CTNS: variants seen among roughly 807,000 people sequenced by gnomAD.
CTNS encodes the protein cystinosin.
Under a neutral mutation model 43.7 loss-of-function variants are expected in CTNS, and 27 were observed. The ratio of observed to expected loss-of-function variants is 0.62; its 90% CI spans 0.46 to 0.85. CTNS has a LOEUF of 0.85. Among genes scored for constraint, CTNS ranks in the 40% least tolerant of loss-of-function variants. The pLI, the probability that CTNS is intolerant of heterozygous loss-of-function variation, is 0.00. For missense variants in CTNS, 457 were observed against 475.4 expected, an observed-to-expected ratio of 0.96 and a Z score of 0.36; for synonymous variants, 187 against 190.6, an observed-to-expected ratio of 0.98 and a Z score of 0.16.
intron 4 of CTNS, among the ~76,000 whole-genome samples, chr17:3,647,795 C>A (rs1445716741): frequency 6.6e-6 from 1 of 152,184 alleles, no homozygotes; most frequent in African/African-American, 2.4e-5. Flanking sequence ...TGGGAAGAGT[C>A]CTGTGTGACC....
intron 5 of CTNS, among the ~76,000 whole-genome samples, chr17:3,653,876 C>CG (rs1555562513): frequency 0.063 from 2,161 of 34,154 alleles, 28 homozygotes; most frequent in Non-Finnish European, 0.33. Context: ...AACTCCATCT[C>CG]GGGGGAAAAA....
intron 5 of CTNS, among the ~76,000 whole-genome samples, chr17:3,651,905 C>G (rs192487026): frequency 1.4e-5 from 2 of 143,800 alleles, no homozygotes; most frequent in Non-Finnish European, 3.0e-5. Context: ...ACCCGGGAGG[C>G]AGAGGTGGCA....
chr17:3,645,623 G>T (rs917195520), intron 3 of CTNS, among the ~76,000 whole-genome samples: 3 of 152,076 alleles, frequency 2.0e-5, no homozygotes, highest in Non-Finnish European at 4.4e-5. Flanking sequence ...GCTTTGGAAG[G>T]CCAAGGCAGG....
intron 5 of CTNS, 105 bp downstream of exon 5, chr17:3,649,036 C>A: frequency 1.1e-6 from 1 of 934,146 alleles, no homozygotes; most frequent in Non-Finnish European, 1.7e-6. Flanking sequence ...CCTGTTCCAT[C>A]AACCTAGAAA....
chr17:3,654,804 G>A lies in CTNS; in HGVS notation c.226-194G>A, dbSNP rs116061320. On this transcript the variant is annotated intron_variant, in intron 5 of 11. Coordinates refer to ENST00000046640, the MANE Select transcript of CTNS (RefSeq NM_004937.3). The stretch of plus-strand genomic sequence containing the variant: ...GAGCTCAGGAGTTCGAGACCAGCCT[G>A]GGCAGCATGGCGAACAGGAGGTTCA... Among the ~76,000 whole-genome samples, 988 of 152,276 alleles carry A rather than the reference G, an allele frequency of 6.5e-3. 6 individuals carry two copies. The highest frequency in any genetic ancestry group is 0.023 in the African/African-American group (935 of 41,554).
intron 3 of CTNS, among the ~76,000 whole-genome samples, chr17:3,646,781 C>T (rs572109978): frequency 2.8e-4 from 11 of 39,082 alleles, no homozygotes; most frequent in African/African-American, 3.5e-4. Flanking sequence ...CTGCTTCTTC[C>T]CTCATCTGGG....
chr17:3,660,130 A>C, intron 11 of CTNS, 106 bp from the exon 12 acceptor site: 1 of 1,537,862 alleles, frequency 6.5e-7, no homozygotes, highest in Non-Finnish European at 9.0e-7. Flanking sequence ...TCGTAGCTGG[A>C]GGCTTTGTGG....
intron 5 of CTNS, chr17:3,650,472 ACT>A (rs1049913755): frequency 1.1e-6 from 1 of 923,252 alleles, no homozygotes; most frequent in African/African-American, 1.7e-5. Context: ...TTGGAGCAAG[ACT>A]CTGTCTCTAA....
Position 3,655,247 on chromosome 17 carries a change from G to C in CTNS, c.356G>C (p.Arg119Pro). The change falls in exon 7 of 12, where the codon CGC becomes CCC. Residue 119 changes from arginine to proline, a missense_variant. By Grantham distance (103) the Arg-to-Pro change is moderately radical. Transcript: ENST00000046640. ...TGPRIRFLVIRSSAISIINQV... is the reference protein window; with the variant it reads ...TGPRIRFLVIPSSAISIINQV... The stretch of plus-strand genomic sequence containing the variant: ...CCGAGGATACGCTTTCTTGTGATCC[G>C]CAGCAGCGCCATTAGCATCATAAAC... 6.2e-7 allele frequency: 1 copy of C among 1,614,166 alleles called. No homozygotes were observed. The highest frequency in any genetic ancestry group is 8.5e-7 in the Non-Finnish European group (1 of 1,180,042).
intron 3 of CTNS, among the ~76,000 whole-genome samples, chr17:3,642,866 G>A (rs7224485): frequency 0.24 from 36,171 of 152,040 alleles, 4,978 homozygotes; most frequent in East Asian, 0.5. Flanking sequence ...TTCTCTGGGT[G>A]GAATCTTGAG....
intron 2 of CTNS, among the ~76,000 whole-genome samples, chr17:3,637,652 A>T (rs972111301): frequency 6.6e-6 from 1 of 151,934 alleles, no homozygotes. Context: ...TTTTTAGTAG[A>T]GATGGGGATT....
chr17:3,656,630 G>A (rs1176154231), intron 8 of CTNS, 44 bp downstream of exon 8: 8 of 1,611,924 alleles, frequency 5.0e-6, no homozygotes, highest in African/African-American at 1.3e-5. Context: ...ATGGCGTGGT[G>A]GCCCGGCTGC....
intron 2 of CTNS, among the ~76,000 whole-genome samples, chr17:3,638,925 C>T (rs535059121): frequency 5.3e-5 from 8 of 152,156 alleles, no homozygotes; most frequent in African/African-American, 9.7e-5. Flanking sequence ...GGGTCATTCC[C>T]GGCCGGTGAG....
rs771153117 is a variant in CTNS, at chr17:3,640,277, G to T, written c.61+10G>T. 2 of 1,612,630 alleles carry T rather than the reference G, an allele frequency of 1.2e-6. No homozygotes were observed. Among genetic ancestry groups the T allele is most frequent in the Non-Finnish European group, 1.7e-6 (2 of 1,178,574 alleles). ...CTCGTAGAGAAATGTGGTAAGTTTA[G>T]AAATGACACGTCAACTTTGTAAAGA... is the stretch of plus-strand genomic sequence containing the variant. On this transcript the variant is annotated intron_variant, in intron 3 of 11. Coordinates refer to ENST00000046640, the MANE Select transcript of CTNS (RefSeq NM_004937.3).
chr17:3,642,314 C>CAGCTAGAAAGTAACAA (rs2075740487), intron 3 of CTNS, among the ~76,000 whole-genome samples: 1 of 152,138 alleles, frequency 6.6e-6, no homozygotes, highest in Admixed American at 6.5e-5. Flanking sequence ...CAAAGTCACA[C>CAGCTAGAAAGTAACAA]AGCTAGAAAG....
At chr17:3,646,045 G>C (rs983106116) in intron 3 of CTNS, among the ~76,000 whole-genome samples, 1 of 151,968 alleles carries the variant, frequency 6.6e-6, no homozygotes, top group Non-Finnish European at 1.5e-5. Flanking sequence ...TTGCAAAGAC[G>C]CTCCTCATCA....
chr17:3,656,976 G>A (rs1015164055), intron 9 of CTNS, 181 bp downstream of exon 9: 1 of 935,588 alleles, frequency 1.1e-6, no homozygotes, highest in Middle Eastern at 3.3e-4. Context: ...CAAGTCTGGG[G>A]TGAGGGACTC....
chr17:3,649,162 G>C (rs1002477290), intron 5 of CTNS, among the ~76,000 whole-genome samples: 1 of 152,162 alleles, frequency 6.6e-6, no homozygotes, highest in African/African-American at 2.4e-5. Context: ...GAATGTAAAC[G>C]TTCTTACCGG....
rs3826493 is a variant in CTNS at position 3,660,941 on chromosome 17, A to G, written c.*572A>G. The G allele has an allele frequency of 0.21, 148,881 of 714,902 alleles. 16,284 individuals are homozygous for G. The highest frequency in any genetic ancestry group is 0.25 in the East Asian group (8,839 of 36,008). 44.3% of individuals were successfully genotyped at this position (714,902 alleles called of 1,614,324 possible). A position where few individuals can be genotyped will look rare whatever the true frequency, so the allele number is the denominator to read the frequency against. On this transcript the variant is annotated 3_prime_UTR_variant, in exon 12 of 12. Transcript: ENST00000046640. ...AGCGTCCGTGACTGCAGTAACAGCC[A>G]GCCCTACCCAGAGTATTTCTGAGCC...
Sources: allele counts gnomAD v4.1 joint callset (sites outside exome capture counted in the v4.1 genomes callset), GRCh38; gene constraint gnomAD v4.1.1; transcripts MANE v1.5; gene names NCBI Gene and HGNC (gene_info 2026-07-23, HGNC 2026-07-21).